Variants in UGT1A8 observed in about 807,000 individuals in gnomAD.
The protein encoded by UGT1A8 is UDP glucuronosyltransferase family 1 member A8.
Under a neutral mutation model 45.3 loss-of-function variants are expected in UGT1A8, and 39 were observed. The observed-to-expected ratio is 0.86, with a 90% CI of 0.67 to 1.12. UGT1A8 has a LOEUF of 1.12. Ranked by LOEUF, UGT1A8 falls within the 50% of genes most tolerant of loss-of-function variation. UGT1A8 has a pLI of 0.00. For synonymous variants in UGT1A8, 275 were observed against 249.2 expected, an observed-to-expected ratio of 1.10 and a Z score of -0.97; for missense variants, 719 against 664.9, an observed-to-expected ratio of 1.08 and a Z score of -0.90.
chr2:233,627,085 A>G (rs957193349), intron 1 of UGT1A8, among the ~76,000 whole-genome samples: 5 of 152,194 alleles, frequency 3.3e-5, no homozygotes, highest in African/African-American at 1.2e-4. Context: ...ATTTACACAA[A>G]ACAGTAGAGT....
At chr2:233,733,460 C>T (rs1438150751) in intron 1 of UGT1A8, among the ~76,000 whole-genome samples, 1 of 152,094 alleles carries the variant, frequency 6.6e-6, no homozygotes, top group Non-Finnish European at 1.5e-5. Context: ...ATAAATAGCT[C>T]TTATTATTTT....
intron 1 of UGT1A8, among the ~76,000 whole-genome samples, chr2:233,633,708 T>TA (rs1311406740): frequency 1.3e-5 from 2 of 152,216 alleles, no homozygotes; most frequent in African/African-American, 4.8e-5. Context: ...TTTTCTTCTT[T>TA]ATTAGTCTGG....
chr2:233,622,052 A>T (rs1392498082), intron 1 of UGT1A8, among the ~76,000 whole-genome samples: 2 of 152,236 alleles, frequency 1.3e-5, no homozygotes, highest in Admixed American at 1.3e-4. Flanking sequence ...CCTGCAAAGG[A>T]CATGAACTCA....
chr2:233,752,781 C>T (rs1162563529), intron 1 of UGT1A8, among the ~76,000 whole-genome samples: 1 of 152,170 alleles, frequency 6.6e-6, no homozygotes, highest in African/African-American at 2.4e-5. Flanking sequence ...AATAACCAAA[C>T]AAGCTTTACA....
At chr2:233,740,770 T>C (rs1691472296) in intron 1 of UGT1A8, 2 of 151,812 alleles carry the variant, frequency 1.3e-5, no homozygotes, top group Admixed American at 6.5e-5. Flanking sequence ...CAAACCGTTG[T>C]ATAAAAGATG....
intron 1 of UGT1A8, among the ~76,000 whole-genome samples, chr2:233,639,015 C>T (rs2741033): frequency 3.3e-5 from 5 of 152,204 alleles, no homozygotes; most frequent in African/African-American, 7.2e-5. Flanking sequence ...CCACAGCCTT[C>T]GGCCGAGTTG....
intron 1 of UGT1A8, chr2:233,648,789 A>T: frequency 2.3e-6 from 2 of 879,104 alleles, no homozygotes; most frequent in South Asian, 1.4e-5. Flanking sequence ...TTAAGGAGAG[A>T]GTAAGGAACC....
At chr2:233,702,908 A>G (rs1242478839) in intron 1 of UGT1A8, among the ~76,000 whole-genome samples, 5 of 152,174 alleles carry the variant, frequency 3.3e-5, no homozygotes, top group Non-Finnish European at 7.4e-5. Flanking sequence ...AGATATTGGA[A>G]GTCTTATTTT....
At chr2:233,637,931 A>G (rs564859665) in intron 1 of UGT1A8, among the ~76,000 whole-genome samples, 1 of 152,310 alleles carries the variant, frequency 6.6e-6, no homozygotes, top group South Asian at 2.1e-4. Flanking sequence ...AAAATTCTTT[A>G]CTTTGGATAC....
Position 233,769,525 on chromosome 2 carries a change from C to T in UGT1A8, c.1295+1086C>T. On this transcript the variant is annotated intron_variant, in intron 4 of 4. Transcript: ENST00000373450. The surrounding 1 kb of genome is among the most constrained non-coding windows in gnomAD (Gnocchi z 4.4). ...CATTGCTTTCTCCCATGGTTACCTC[C>T]TTTAGAAAGAAGCAGCAGTCAGGAA... 1 of 1,612,854 alleles carries T rather than the reference C, an allele frequency of 6.2e-7. No individual in the cohort carries two copies. Among genetic ancestry groups the T allele is most frequent in the Non-Finnish European group, 8.5e-7 (1 of 1,179,858 alleles).
intron 1 of UGT1A8, among the ~76,000 whole-genome samples, chr2:233,736,665 A>C (rs1163835582): frequency 2.0e-5 from 3 of 152,142 alleles, no homozygotes; most frequent in Non-Finnish European, 4.4e-5. Flanking sequence ...TATGTACCTT[A>C]GGTCTTTGAT....
intron 1 of UGT1A8, among the ~76,000 whole-genome samples, chr2:233,625,697 C>T (rs1441522397): frequency 6.6e-6 from 1 of 151,674 alleles, no homozygotes; most frequent in Non-Finnish European, 1.5e-5. Flanking sequence ...GCACAGAACA[C>T]CAAATACCAT....
intron 1 of UGT1A8, among the ~76,000 whole-genome samples, chr2:233,645,114 C>A (rs1235733617): frequency 6.6e-6 from 1 of 152,200 alleles, no homozygotes; most frequent in African/African-American, 2.4e-5. Context: ...CCCTTACTGG[C>A]AATGCATTTT....
intron 1 of UGT1A8, among the ~76,000 whole-genome samples, chr2:233,730,418 A>G (rs1198959382): frequency 2.0e-5 from 3 of 152,174 alleles, no homozygotes; most frequent in Non-Finnish European, 4.4e-5. Context: ...TGACATGATA[A>G]TTTTTAGTTG....
chr2:233,640,298 C>G (rs1205205531), intron 1 of UGT1A8, among the ~76,000 whole-genome samples: 30 of 152,146 alleles, frequency 2.0e-4, no homozygotes, highest in Non-Finnish European at 5.9e-5. Context: ...ATTAATTCAT[C>G]TATCCCCTTA....
chr2:233,695,903 T>G (rs1451387957), intron 1 of UGT1A8, among the ~76,000 whole-genome samples: 4 of 151,844 alleles, frequency 2.6e-5, no homozygotes, highest in African/African-American at 4.8e-5. Flanking sequence ...ATGTGTGGGG[T>G]TTTTTTTCTC....
rs1022651903 is a variant in UGT1A8, at chr2:233,768,540, A to G, written c.1295+101A>G. ...CGTAGCATTTAATAGCGTTGTTTCA[A>G]ATATAAAAACAAATACATAAAAATC... On this transcript the variant is annotated intron_variant, in intron 4 of 4. Transcript: ENST00000373450. The G allele has an allele frequency of 7.3e-6, 11 of 1,497,966 alleles. No individual in the cohort carries two copies. The African/African-American group carries it at 1.4e-4, about 19-fold the overall frequency. The allele number at this position is 1,497,966 out of a possible 1,614,324, so 92.8% of individuals were successfully genotyped here.
chr2:233,663,963 T>G (rs2074026481), intron 1 of UGT1A8, among the ~76,000 whole-genome samples: 1 of 152,162 alleles, frequency 6.6e-6, no homozygotes, highest in Non-Finnish European at 1.5e-5. Flanking sequence ...TGCATCTAAG[T>G]GTAGGTAGTT....
At chr2:233,755,289 T>G in intron 1 of UGT1A8, 1 of 651,342 alleles carries the variant, frequency 1.5e-6, no homozygotes, top group East Asian at 5.8e-5. Flanking sequence ...CCAAAGAGCC[T>G]GCGGGGCACT....
Sources: gnomAD v4.1 joint callset for allele counts (sites outside exome capture counted in the v4.1 genomes callset) on GRCh38, gnomAD v4.1.1 for gene constraint, Gnocchi (gnomAD v3.1) non-coding constraint, MANE v1.5 for transcripts, NCBI Gene and HGNC (gene_info 2026-07-23, HGNC 2026-07-21) for gene names.